ABCC5: variants seen among roughly 807,000 people sequenced by gnomAD.
The protein encoded by ABCC5 is ATP binding cassette subfamily C member 5, also known as ATP-binding cassette sub-family C member 5.
In ABCC5, 61 loss-of-function variants were observed where a neutral mutation model predicts 160.9. The observed-to-expected ratio is 0.38, with a 90% confidence interval of 0.31 to 0.47. The LOEUF (loss-of-function observed/expected upper bound fraction) is 0.47, where lower values mean the gene tolerates loss of function less well. Among genes scored for constraint, ABCC5 ranks in the 20% least tolerant of loss-of-function variants. ABCC5 has a pLI of 0.99. For synonymous variants in ABCC5, 666 were observed against 700.6 expected (o/e 0.95, Z 0.78); for missense variants, 1,308 against 1,813.3 (o/e 0.72, Z 5.06).
intron 12 of ABCC5, among the ~76,000 whole-genome samples, chr3:183,966,824 G>A (rs1267495888): frequency 6.6e-6 from 1 of 152,166 alleles, no homozygotes; most frequent in Non-Finnish European, 1.5e-5. Context: ...GACAGCTGAT[G>A]CCAAACAAGA....
chr3:183,938,088 G>A, intron 25 of ABCC5, 28 bp from the exon 26 acceptor site: 7 of 1,609,112 alleles, frequency 4.4e-6, no homozygotes, highest in Non-Finnish European at 5.9e-6. Flanking sequence ...ATGCAAGAGA[G>A]GAGCTGTTAG....
chr3:183,966,307 C>T (rs1717211992), intron 12 of ABCC5, among the ~76,000 whole-genome samples: 1 of 152,198 alleles, frequency 6.6e-6, no homozygotes. Flanking sequence ...TTCTGATGTG[C>T]ACTTCAAAGG....
At chr3:183,999,226 C>T (rs1433210082) in intron 2 of ABCC5, among the ~76,000 whole-genome samples, 1 of 151,654 alleles carries the variant, frequency 6.6e-6, no homozygotes, top group East Asian at 1.9e-4. Context: ...CTCTAGGCTT[C>T]CTAAAAAAGC....
At chr3:183,944,408 A>C (rs1281265296) in intron 24 of ABCC5, among the ~76,000 whole-genome samples, 1 of 152,150 alleles carries the variant, frequency 6.6e-6, no homozygotes, top group Non-Finnish European at 1.5e-5. Context: ...AAATAAAAAA[A>C]TAAAAAATAA....
chr3:183,977,684 G>A lies in ABCC5; in HGVS notation c.1297-60C>T, dbSNP rs910282166. 5 of 1,206,590 alleles carry A rather than the reference G, an allele frequency of 4.1e-6. No homozygotes were observed. The African/African-American group carries it at 7.7e-5, about 18-fold the overall frequency. The allele number at this position is 1,206,590 out of a possible 1,614,324, so 74.7% of individuals were successfully genotyped here. On this transcript the variant is annotated intron_variant, in intron 9 of 29. Coordinates refer to ENST00000334444, the MANE Select transcript of ABCC5 (RefSeq NM_005688.4). ...TGATGCTATGCAACTGAAGTAACCT[G>A]ACACCATGAATTTCCTCTCAGGCGC... is the stretch of plus-strand genomic sequence containing the variant.
At chr3:183,957,879 C>T (rs1307820358) in intron 17 of ABCC5, among the ~76,000 whole-genome samples, 2 of 119,312 alleles carry the variant, frequency 1.7e-5, no homozygotes, top group African/African-American at 6.3e-5. Flanking sequence ...CATGCGGATC[C>T]GTGTGTATAT....
At chr3:183,938,158 T>C in intron 25 of ABCC5, 98 bp from the exon 26 acceptor site, 4 of 1,218,382 alleles carry the variant, frequency 3.3e-6, no homozygotes, top group Non-Finnish European at 3.5e-6. Flanking sequence ...TTTTTCCATT[T>C]CTATTCAGTT....
rs1043429795 is a variant in ABCC5, at chr3:183,949,533, C to T, written c.3227+220G>A. On this transcript the variant is annotated intron_variant, in intron 22 of 29. Transcript: ENST00000334444. The surrounding 1 kb of genome is among the most constrained non-coding windows in gnomAD (Gnocchi z 4.2). Reference sequence around the variant, plus strand: ...AGCTGTGACTATAGGCACGTGATGCCGCATGCGGCCCAAATCTGTATTTCT... The same window carrying T: ...AGCTGTGACTATAGGCACGTGATGCTGCATGCGGCCCAAATCTGTATTTCT... 4.6e-5 allele frequency among the ~76,000 whole-genome samples: 7 copies of T among 152,256 alleles called. No individual in the cohort carries two copies. The highest frequency in any genetic ancestry group is 3.3e-4 in the Admixed American group (5 of 15,292).
intron 26 of ABCC5, among the ~76,000 whole-genome samples, chr3:183,931,898 G>C (rs1713215594): frequency 6.6e-6 from 1 of 152,242 alleles, no homozygotes. Flanking sequence ...AAAGGATTCA[G>C]TTAAGTGATT....
At chr3:183,965,861 C>T (rs1335129620) in intron 12 of ABCC5, among the ~76,000 whole-genome samples, 1 of 152,118 alleles carries the variant, frequency 6.6e-6, no homozygotes, top group Non-Finnish European at 1.5e-5. Flanking sequence ...CCTGCCTCAA[C>T]ATGGGGGCAG....
chr3:183,999,422 C>T (rs1183463516), intron 2 of ABCC5, among the ~76,000 whole-genome samples: 1 of 152,140 alleles, frequency 6.6e-6, no homozygotes, highest in African/African-American at 2.4e-5. Context: ...GCTTACTATA[C>T]AAAAGCATAA....
rs1254270195 is a variant in ABCC5, at chr3:183,951,474, T to C, written c.2911A>G (p.Ile971Val). 1 of 1,614,126 alleles carries C rather than the reference T, an allele frequency of 6.2e-7. No homozygotes were observed. ...ATGTCTTTGGAAAACCTGTTGAGAATCCTCCCTGTGGGGGTCGTGTCAAAA... is the reference window on the plus strand; with the variant it reads ...ATGTCTTTGGAAAACCTGTTGAGAACCCTCCCTGTGGGGGTCGTGTCAAAA... The part of the protein sequence containing the change: ...KFFDTTPTGR[I>V]LNRFSKDMDE... The change falls in exon 20 of 30, where the codon ATT (isoleucine) becomes GTT (valine). Residue 971 changes from isoleucine (I) to valine (V), a missense_variant. This residue lies in a region of ABCC5 where 1,142 missense variants were observed against 1,527.1 expected (regional missense o/e 0.75). Coordinates refer to ENST00000334444, the MANE Select transcript of ABCC5 (RefSeq NM_005688.4). The surrounding 1 kb of genome is among the most constrained non-coding windows in gnomAD (Gnocchi z 4.7).
intron 24 of ABCC5, among the ~76,000 whole-genome samples, chr3:183,944,661 G>A (rs1056503306): frequency 6.6e-6 from 1 of 152,144 alleles, no homozygotes; most frequent in Non-Finnish European, 1.5e-5. Context: ...GCCACATGCA[G>A]CCCAGGACAG....
At chr3:183,956,263 C>T (rs1238574102) in intron 17 of ABCC5, among the ~76,000 whole-genome samples, 7 of 148,472 alleles carry the variant, frequency 4.7e-5, no homozygotes, top group Admixed American at 2.7e-4. Context: ...TAAATCACAT[C>T]GGTTACATGC....
Position 183,953,215 on chromosome 3 carries a change from A to G in ABCC5, c.2538T>C (p.Tyr846=), listed in dbSNP as rs779592137. The change falls in exon 18 of 30, where the codon TAT becomes TAC. Residue 846 remains tyrosine (Y), a synonymous_variant. Coordinates refer to ENST00000334444, the MANE Select transcript of ABCC5 (RefSeq NM_005688.4). ...KGQGSVPWSV[Y]GVYIQAAGGP... Reference sequence around the variant, plus strand: ...CCCCAGCAGCCTGGATGTAGACACCATATACTGACCAGGGCACTGAACCCT... The same window carrying G: ...CCCCAGCAGCCTGGATGTAGACACCGTATACTGACCAGGGCACTGAACCCT... 5 of 1,614,074 alleles carry G rather than the reference A, an allele frequency of 3.1e-6. No homozygotes were observed. In the South Asian group the frequency reaches 5.5e-5, roughly 18 times the overall value.
chr3:184,009,275 C>CT, intron 2 of ABCC5, among the ~76,000 whole-genome samples: 2 of 152,208 alleles, frequency 1.3e-5, no homozygotes, highest in Middle Eastern at 6.8e-3. Context: ...TACTTAGAGG[C>CT]TTTTTTGTTG....
At chr3:183,999,036 G>A (rs1720524367) in intron 2 of ABCC5, among the ~76,000 whole-genome samples, 1 of 151,520 alleles carries the variant, frequency 6.6e-6, no homozygotes, top group Non-Finnish European at 1.5e-5. Context: ...GTTGCAGTGA[G>A]CTGAGATCGC....
chr3:183,980,033 C>T lies in ABCC5; in HGVS notation c.1148-1382G>A, dbSNP rs534028459. On this transcript the variant is annotated intron_variant, in intron 8 of 29. Transcript: ENST00000334444. ...TAGGATTACAGGCTGTGCCACCACG[C>T]CTAGCTAATTTTTGTATTTTTAGTA... Among the ~76,000 whole-genome samples, 5 of 152,194 alleles carry T rather than the reference C, an allele frequency of 3.3e-5. No individual in the cohort carries two copies. In the South Asian group the frequency reaches 1.0e-3, roughly 32 times the overall value.
At chr3:184,002,527 C>A (rs377587879) in intron 2 of ABCC5, among the ~76,000 whole-genome samples, 3 of 152,308 alleles carry the variant, frequency 2.0e-5, no homozygotes, top group South Asian at 2.1e-4. Context: ...AGGTAACATT[C>A]GATTCATAAG....
Sources: gnomAD v4.1 joint callset for allele counts (sites outside exome capture counted in the v4.1 genomes callset) on GRCh38, gnomAD v4.1.1 for gene constraint, gnomAD v4.1.1 regional missense constraint, Gnocchi (gnomAD v3.1) non-coding constraint, MANE v1.5 for transcripts, NCBI Gene and HGNC (gene_info 2026-07-23, HGNC 2026-07-21) for gene names.